The following ADAMTS19 variants were observed in gnomAD, a reference collection of about 807,000 sequenced individuals.
ADAMTS19 encodes A disintegrin and metalloproteinase with thrombospondin motifs 19.
A neutral mutation model predicts 153.3 loss-of-function variants in ADAMTS19; 93 were observed. That is an observed-to-expected ratio of 0.61 (90% CI 0.51 to 0.72). The LOEUF is 0.72. Among genes scored for constraint, ADAMTS19 ranks in the 30% least tolerant of loss-of-function variants. The probability of loss-of-function intolerance (pLI) is 0.00; values close to 1 mark genes in which losing one functional copy is unlikely to be tolerated. For missense variants in ADAMTS19, 1,482 were observed against 1,552.1 expected, an observed-to-expected ratio of 0.95 and a Z score of 0.76; for synonymous variants, 600 against 556.6, an observed-to-expected ratio of 1.08 and a Z score of -1.10.
intron 8 of ADAMTS19, among the ~76,000 whole-genome samples, chr5:129,609,864 C>G (rs1210903994): frequency 6.6e-6 from 1 of 152,098 alleles, no homozygotes; most frequent in Non-Finnish European, 1.5e-5. Flanking sequence ...AGGCAATCTT[C>G]CTGGAGTAGA....
In ADAMTS19 at chr5:129,537,404, G is replaced by A. The variant is rs377382128; in HGVS notation, c.1328+8727G>A. On this transcript the variant is annotated intron_variant, in intron 6 of 22. Transcript: ENST00000274487. The stretch of plus-strand genomic sequence containing the variant: ...GGATCTAGAACTACAAATACCATTT[G>A]ACCCAGCCATCCCATTACTGGGTAT... 1.5e-4 allele frequency among the ~76,000 whole-genome samples: 23 copies of A among 152,288 alleles called. No individual in the cohort carries two copies. The East Asian group carries it at 2.9e-3, about 19-fold the overall frequency.
At chr5:129,630,582 A>C (rs1409784365) in intron 10 of ADAMTS19, among the ~76,000 whole-genome samples, 1 of 152,088 alleles carries the variant, frequency 6.6e-6, no homozygotes, top group African/African-American at 2.4e-5. Flanking sequence ...TCATATCATA[A>C]GATAAAATTA....
rs561832357 is a variant in ADAMTS19 at position 129,527,912 on chromosome 5, G to T, written c.1170+81G>T. On this transcript the variant is annotated intron_variant, in intron 5 of 22. Coordinates refer to ENST00000274487, the MANE Select transcript of ADAMTS19 (RefSeq NM_133638.6). ...AACTTTTAAGTAAAGGGAATGTTAA[G>T]GATGTGCTTAAAAATCCAGAAATAT... 87 of 882,122 alleles carry T rather than the reference G, an allele frequency of 9.9e-5. 1 individual carries two copies. The South Asian group carries it at 1.4e-3, about 14-fold the overall frequency. 54.6% of individuals were successfully genotyped at this position (882,122 alleles called of 1,614,324 possible). A position where few individuals can be genotyped will look rare whatever the true frequency, so the allele number is the denominator to read the frequency against.
chr5:129,671,414 T>G (rs1028916533), intron 16 of ADAMTS19, among the ~76,000 whole-genome samples: 2 of 152,132 alleles, frequency 1.3e-5, no homozygotes, highest in African/African-American at 4.8e-5. Context: ...TGTGTTGAAA[T>G]CACAGATTTC....
At position 129,461,083 on chromosome 5, in the gene ADAMTS19, C is replaced by G. The variant is rs2112861164; in HGVS notation, c.92-19C>G. On this transcript the variant is annotated intron_variant, in intron 1 of 22. Coordinates refer to ENST00000274487, the MANE Select transcript of ADAMTS19 (RefSeq NM_133638.6). The surrounding 1 kb of genome is among the most constrained non-coding windows in gnomAD (Gnocchi z 4.6). ...CCGCGGCACTTTAAGCCCCGCACTTCTGTCTGCCCCGCCCGCAGAGCTGCA... is the reference window on the plus strand; with the variant it reads ...CCGCGGCACTTTAAGCCCCGCACTTGTGTCTGCCCCGCCCGCAGAGCTGCA... 7.3e-7 allele frequency: 1 copy of G among 1,375,662 alleles called. No individual in the cohort carries two copies. Among genetic ancestry groups the G allele is most frequent in the East Asian group, 3.1e-5 (1 of 32,740 alleles). 85.2% of individuals were successfully genotyped at this position (1,375,662 alleles called of 1,614,324 possible).
intron 6 of ADAMTS19, among the ~76,000 whole-genome samples, chr5:129,543,818 T>C (rs1752750849): frequency 6.6e-6 from 1 of 152,210 alleles, no homozygotes; most frequent in African/African-American, 2.4e-5. Flanking sequence ...CTTCCACTGA[T>C]ACTTCATGAA....
In ADAMTS19 at chr5:129,551,844, T is replaced by C. The variant is rs761003915; in HGVS notation, c.1329-20T>C. The C allele has an allele frequency of 2.0e-6, 3 of 1,511,108 alleles. No homozygotes were observed. The highest frequency in any genetic ancestry group is 4.8e-5 in the East Asian group (2 of 41,954). The allele number at this position is 1,511,108 out of a possible 1,614,324, so 93.6% of individuals were successfully genotyped here. On this transcript the variant is annotated intron_variant, in intron 6 of 22. Coordinates refer to ENST00000274487, the MANE Select transcript of ADAMTS19 (RefSeq NM_133638.6). ...ACAAAATAATTTATCTTTATTTCAGTTTTCTATTTTTCTTTCTAGGAAAGA... is the reference window on the plus strand; with the variant it reads ...ACAAAATAATTTATCTTTATTTCAGCTTTCTATTTTTCTTTCTAGGAAAGA...
chr5:129,641,709 A>G (rs1052449184), intron 10 of ADAMTS19, 150 bp from the exon 11 acceptor site: 2 of 471,628 alleles, frequency 4.2e-6, no homozygotes, highest in African/African-American at 3.9e-5. Context: ...TACTATTTCA[A>G]TTACAGATTT....
intron 7 of ADAMTS19, among the ~76,000 whole-genome samples, chr5:129,579,318 T>G (rs753718503): frequency 4.3e-4 from 66 of 152,088 alleles, no homozygotes; most frequent in Non-Finnish European, 1.3e-4. Flanking sequence ...GATTAAGTTC[T>G]TTGTAGATTC....
At chr5:129,633,875 T>G (rs542945949) in intron 10 of ADAMTS19, among the ~76,000 whole-genome samples, 1 of 152,268 alleles carries the variant, frequency 6.6e-6, no homozygotes, top group East Asian at 1.9e-4. Context: ...CTATTCCCTC[T>G]GGAAATCTCC....
chr5:129,635,928 G>T (rs531967824), intron 10 of ADAMTS19, among the ~76,000 whole-genome samples: 2 of 152,202 alleles, frequency 1.3e-5, no homozygotes, highest in Admixed American at 1.3e-4. Flanking sequence ...ACAGAGTCTT[G>T]CTCTGCTGCC....
chr5:129,582,977 G>A (rs181465798), intron 7 of ADAMTS19, among the ~76,000 whole-genome samples: 12 of 152,040 alleles, frequency 7.9e-5, no homozygotes, highest in African/African-American at 2.7e-4. Context: ...TATTTTGCCC[G>A]TTATTTGATG....
At chr5:129,670,693 A>G (rs1754263626) in intron 16 of ADAMTS19, among the ~76,000 whole-genome samples, 1 of 152,188 alleles carries the variant, frequency 6.6e-6, no homozygotes, top group Non-Finnish European at 1.5e-5. Flanking sequence ...AACTTATCCC[A>G]TATAACCTCT....
intron 10 of ADAMTS19, among the ~76,000 whole-genome samples, chr5:129,629,116 G>A (rs1752179380): frequency 6.6e-6 from 1 of 152,068 alleles, no homozygotes; most frequent in African/African-American, 2.4e-5. Flanking sequence ...TAGCAGAGTT[G>A]TCAGCCCTTT....
rs1374129723 is a variant in ADAMTS19 at position 129,694,735 on chromosome 5, C to T, written c.2834C>T (p.Thr945Ile). 1.3e-6 allele frequency: 2 copies of T among 1,597,256 alleles called. No homozygotes were observed. Among genetic ancestry groups the T allele is most frequent in the Non-Finnish European group, 1.7e-6 (2 of 1,171,498 alleles). ...ATCGGGERKT[T>I]VSCTKIMSKN... ...TTCTTTTCAGGAGAAAGGAAGACAA[C>T]AGTGTCCTGCACAAAAATCATGAGC... Residue 945 changes from threonine (T) to isoleucine (I), a missense_variant, in exon 19 of 23, where the codon ACA becomes ATA. Thr to Ile is a moderately conservative substitution (Grantham distance 89, BLOSUM62 -1). Transcript: ENST00000274487.
chr5:129,542,624 G>A (rs1160154001), intron 6 of ADAMTS19, among the ~76,000 whole-genome samples: 1 of 151,978 alleles, frequency 6.6e-6, no homozygotes, highest in Non-Finnish European at 1.5e-5. Context: ...AAAAGTTTAG[G>A]GTAGGACAGC....
At chr5:129,707,294 T>G (rs944620456) in intron 21 of ADAMTS19, among the ~76,000 whole-genome samples, 1 of 152,242 alleles carries the variant, frequency 6.6e-6, no homozygotes, top group Admixed American at 6.5e-5. Flanking sequence ...CCTTTTAACC[T>G]TTGCTTGTTG....
At chr5:129,575,224 G>A (rs1217041523) in intron 7 of ADAMTS19, among the ~76,000 whole-genome samples, 1 of 151,978 alleles carries the variant, frequency 6.6e-6, no homozygotes, top group Non-Finnish European at 1.5e-5. Context: ...GGAAGTTTGA[G>A]TTGGTTTGTA....
chr5:129,653,479 T>C (rs1324579250), intron 13 of ADAMTS19, among the ~76,000 whole-genome samples: 1 of 152,212 alleles, frequency 6.6e-6, no homozygotes, highest in Non-Finnish European at 1.5e-5. Context: ...ATCTGATTGC[T>C]CAATGATGCA....
Sources: gnomAD v4.1 joint callset for allele counts (sites outside exome capture counted in the v4.1 genomes callset) on GRCh38, gnomAD v4.1.1 for gene constraint, Gnocchi (gnomAD v3.1) non-coding constraint, MANE v1.5 for transcripts, NCBI Gene and HGNC (gene_info 2026-07-23, HGNC 2026-07-21) for gene names.